Variants in ARMCX4 observed in about 807,000 individuals in gnomAD.
The protein encoded by ARMCX4 is armadillo repeat-containing X-linked protein 4.
Under a neutral mutation model 34.7 loss-of-function variants are expected in ARMCX4, and 3 were observed. The ratio of observed to expected loss-of-function variants is 0.09; its 90% CI spans 0.04 to 0.22. The LOEUF (loss-of-function observed/expected upper bound fraction) is 0.22, where lower values mean the gene tolerates loss of function less well. Among genes scored for constraint, ARMCX4 ranks in the 10% least tolerant of loss-of-function variants. ARMCX4 has a pLI of 1.00. For missense variants in ARMCX4, 1,448 were observed against 1,720.8 expected (o/e 0.84, Z 2.81); for synonymous variants, 513 against 632.8 (o/e 0.81, Z 2.84).
Position 101,489,112 on chromosome X carries a change from G to C in ARMCX4, c.523G>C (p.Val175Leu). 1 of 1,156,246 alleles carries C rather than the reference G, an allele frequency of 8.6e-7. No individual in the cohort carries two copies. Among genetic ancestry groups the C allele is most frequent in the South Asian group, 1.9e-5 (1 of 52,751 alleles). Residue 175 changes from valine (V) to leucine (L), a missense_variant, in exon 6 of 6, where the codon GTT (valine) becomes CTT (leucine). Val to Leu is a conservative substitution (Grantham distance 32). Around this residue, in one of 2 missense-constraint regions of ARMCX4, gnomAD observed 1,343 missense variants for 1,540.7 expected, o/e 0.87. Transcript: ENST00000423738. ...TQTKAKAWAL[V>L]AKTEAKREAM... is the part of the protein sequence containing the mutation. Reference sequence around the variant, plus strand: ...GACCAAGGCTAAAGCTTGGGCGCTGGTTGCCAAGACAGAGGCCAAGAGAGA... The same window carrying C: ...GACCAAGGCTAAAGCTTGGGCGCTGCTTGCCAAGACAGAGGCCAAGAGAGA...
At chrX:101,474,459 T>G (rs1425805115) in intron 4 of ARMCX4, among the ~76,000 whole-genome samples, 3 of 106,454 alleles carry the variant, frequency 2.8e-5, no homozygotes, top group Non-Finnish European at 1.9e-5. Context: ...ACTCATTTTA[T>G]GAGGCCAGCA....
chrX:101,515,343 T>TTTCCTTTCTTTCTTTCTTTCTTTCTTTC (rs1556017372), intron 11 of ARMCX4, among the ~76,000 whole-genome samples: 1 of 16,994 alleles, frequency 5.9e-5, no homozygotes, highest in African/African-American at 2.6e-4. Context: ...TTTCCTTTCC[T>TTTCCTTTCTTTCTTTCTTTCTTTCTTTC]TTTCTTTCTT....
At chrX:101,530,995 A>G (rs1163894138) in intron 11 of ARMCX4, among the ~76,000 whole-genome samples, 3 of 112,585 alleles carry the variant, frequency 2.7e-5, no homozygotes, top group Non-Finnish European at 5.6e-5. Flanking sequence ...GCTTAAAACA[A>G]GACAAATTTA....
chrX:101,494,091 G>A lies in ARMCX4; in HGVS notation c.5502G>A (p.Glu1834=). The change falls in exon 6 of 6, where the codon GAG becomes GAA. Residue 1834 remains glutamate (E), a synonymous_variant. Coordinates refer to ENST00000423738, the MANE Select transcript of ARMCX4 (RefSeq NM_001256155.3). ...GGGCTGGGGCTGAGGCTGGGGCTGA[G>A]GCTGGGGCTGGGGCTGGGGCTGGGC... ...GAGAGAEAGA[E]AGAGAGAGPG... 1 of 906,363 alleles carries A rather than the reference G, an allele frequency of 1.1e-6. No homozygotes were observed. Among genetic ancestry groups the A allele is most frequent in the Non-Finnish European group, 1.5e-6 (1 of 682,344 alleles). 74.7% of individuals were successfully genotyped at this position (906,363 alleles called of 1,213,427 possible). A position where few individuals can be genotyped will look rare whatever the true frequency, so the allele number is the denominator to read the frequency against.
intron 4 of ARMCX4, among the ~76,000 whole-genome samples, chrX:101,465,533 TAAC>T (rs1932779177): frequency 8.9e-6 from 1 of 112,303 alleles, no homozygotes. Flanking sequence ...TTTAATAATA[TAAC>T]AACATTATGT....
intron 4 of ARMCX4, among the ~76,000 whole-genome samples, chrX:101,477,801 A>G (rs1933266641): frequency 8.9e-6 from 1 of 111,799 alleles, no homozygotes; most frequent in Non-Finnish European, 1.9e-5. Context: ...AATTGTCACT[A>G]CCGTGTGAGG....
intron 2 of ARMCX4, among the ~76,000 whole-genome samples, chrX:101,432,575 C>T (rs781821456): frequency 7.3e-5 from 8 of 109,117 alleles, no homozygotes; most frequent in East Asian, 2.9e-4. Context: ...GCAGGAGAAT[C>T]GCTTGAACCT....
chrX:101,517,507 T>C (rs908517933), intron 11 of ARMCX4, among the ~76,000 whole-genome samples: 13 of 111,237 alleles, frequency 1.2e-4, no homozygotes, highest in African/African-American at 4.3e-4. Context: ...TATGCTGAGC[T>C]AATTCTTTTT....
rs186127893 is a variant in ARMCX4 at position 101,477,206 on chromosome X, G to A, written c.-472-8817G>A. Among the ~76,000 whole-genome samples, 192 of 109,157 alleles carry A rather than the reference G, an allele frequency of 1.8e-3. 1 individual carries two copies. Among genetic ancestry groups the A allele is most frequent in the Non-Finnish European group, 3.0e-3 (156 of 52,509 alleles). 94.8% of individuals were successfully genotyped at this position (109,157 alleles called of 115,157 possible). A position where few individuals can be genotyped will look rare whatever the true frequency, so the allele number is the denominator to read the frequency against. On this transcript the variant is annotated intron_variant and NMD_transcript_variant, in intron 4 of 15. Coordinates refer to the ARMCX4 transcript ENST00000433011. ...TGTAACCCCAGCACTTTGGGAGGCC[G>A]AGGTGGGTGGATCACTTGAAGTCAA...
intron 4 of ARMCX4, among the ~76,000 whole-genome samples, chrX:101,468,329 C>T (rs782176761): frequency 8.2e-5 from 9 of 109,148 alleles, no homozygotes; most frequent in Non-Finnish European, 1.7e-4. Context: ...CTCATTCTGT[C>T]GCCCAGGCTG....
chrX:101,490,815 A>G lies in ARMCX4; in HGVS notation c.2226A>G (p.Pro742=). 1.8e-6 allele frequency: 2 copies of G among 1,107,414 alleles called. No individual in the cohort carries two copies. The highest frequency in any genetic ancestry group is 2.0e-5 in the South Asian group (1 of 49,538). 91.3% of individuals were successfully genotyped at this position (1,107,414 alleles called of 1,213,427 possible). A position where few individuals can be genotyped will look rare whatever the true frequency, so the allele number is the denominator to read the frequency against. The stretch of plus-strand genomic sequence containing the variant: ...CTGTGCCTAATTCAGGGGTTGGGCC[A>G]TATACAACAGACTCTGCCCGGCTCC... ...PTTVPNSGVG[P]YTTDSARLQA... Residue 742 remains proline (P), a synonymous_variant, in exon 6 of 6, where the codon CCA becomes CCG. Transcript: ENST00000423738.
chrX:101,523,144 C>T (rs1423437202), intron 11 of ARMCX4, among the ~76,000 whole-genome samples: 1 of 111,825 alleles, frequency 8.9e-6, no homozygotes, highest in African/African-American at 3.3e-5. Flanking sequence ...GCAAAAGCAC[C>T]AGTGGCACAG....
chrX:101,454,634 T>C (rs782365645), intron 4 of ARMCX4, among the ~76,000 whole-genome samples: 1 of 111,161 alleles, frequency 9.0e-6, no homozygotes, highest in East Asian at 2.8e-4. Flanking sequence ...GAACAAAGAA[T>C]TGGGAAGAGA....
At position 101,490,669 on chromosome X, in the gene ARMCX4, G is replaced by A; in HGVS notation, c.2080G>A (p.Ala694Thr). ...GAATAAGGTCAAGGGTAATTCCAAT[G>A]CTGTGTCTAAGGCAGGGGCTGGGAC... is the stretch of plus-strand genomic sequence containing the variant. Reference protein sequence around the residue: ...SKNKVKGNSNAVSKAGAGTDT... With the variant: ...SKNKVKGNSNTVSKAGAGTDT... The change falls in exon 6 of 6, where the codon GCT becomes ACT. Residue 694 changes from alanine (A) to threonine (T), a missense_variant. Transcript: ENST00000423738. The A allele has an allele frequency of 8.7e-7, 1 of 1,155,923 alleles. No individual in the cohort carries two copies. Among genetic ancestry groups the A allele is most frequent in the South Asian group, 1.9e-5 (1 of 52,766 alleles).
At position 101,511,657 on chromosome X, in the gene ARMCX4, A is replaced by G. The variant is rs931802372; in HGVS notation, c.*1780+602A>G. On this transcript the variant is annotated intron_variant and NMD_transcript_variant, in intron 11 of 12. Transcript: ENST00000354842. The stretch of plus-strand genomic sequence containing the variant: ...ATAGATACTTTTTTTTTTTCTGAGC[A>G]TTCTGTTGCCCACACTGGAGTGTAG... Among the ~76,000 whole-genome samples the G allele has an allele frequency of 6.4e-5, 7 of 109,811 alleles. No homozygotes were observed. The South Asian group carries it at 2.4e-3, about 37-fold the overall frequency.
intron 4 of ARMCX4, among the ~76,000 whole-genome samples, chrX:101,477,302 T>C (rs1933231976): frequency 9.4e-6 from 1 of 106,818 alleles, no homozygotes; most frequent in African/African-American, 3.4e-5. Context: ...TAGCCCGACA[T>C]GGTGGCACGC....
At chrX:101,471,940 G>A (rs1932925567) in intron 4 of ARMCX4, among the ~76,000 whole-genome samples, 2 of 102,979 alleles carry the variant, frequency 1.9e-5, no homozygotes, top group African/African-American at 7.1e-5. Flanking sequence ...ACCAGCAACG[G>A]AACAAAGCTG....
intron 2 of ARMCX4, among the ~76,000 whole-genome samples, chrX:101,441,855 T>C (rs782564518): frequency 5.0e-4 from 56 of 111,483 alleles, no homozygotes; most frequent in Non-Finnish European, 9.2e-4. Flanking sequence ...CAGTAGTACT[T>C]GGACCTTGTT....
At chrX:101,437,362 G>T (rs1196653265) in intron 2 of ARMCX4, among the ~76,000 whole-genome samples, 2 of 111,601 alleles carry the variant, frequency 1.8e-5, no homozygotes, top group Non-Finnish European at 3.8e-5. Context: ...CTCCTTCCTG[G>T]TTTAGTCTTG....
Sources: gnomAD v4.1 joint callset for allele counts (sites outside exome capture counted in the v4.1 genomes callset) on GRCh38, gnomAD v4.1.1 for gene constraint, gnomAD v4.1.1 regional missense constraint, MANE v1.5 for transcripts, NCBI Gene and HGNC (gene_info 2026-07-23, HGNC 2026-07-21) for gene names.